AHCYL2: variants seen among roughly 807,000 people sequenced by gnomAD.
AHCYL2 encodes the protein S-adenosylhomocysteine hydrolase-like protein 2.
AHCYL2 carries 28 observed loss-of-function variants against 81.4 expected under a neutral mutation model. The observed-to-expected ratio is 0.34, with a 90% CI of 0.25 to 0.47. AHCYL2 has a LOEUF of 0.47. Among genes scored for constraint, AHCYL2 ranks in the 20% least tolerant of loss-of-function variants. The pLI, the probability that AHCYL2 is intolerant of heterozygous loss-of-function variation, is 1.00. For missense variants in AHCYL2, 551 were observed against 785.1 expected, an observed-to-expected ratio of 0.70 and a Z score of 3.56; for synonymous variants, 272 against 290.2, an observed-to-expected ratio of 0.94 and a Z score of 0.64.
intron 1 of AHCYL2, among the ~76,000 whole-genome samples, chr7:129,276,736 CAA>C (rs374792572): frequency 8.0e-6 from 1 of 125,018 alleles, no homozygotes; most frequent in African/African-American, 3.0e-5. Flanking sequence ...GCAACTGTCT[CAA>C]AAAAAAAAAA....
chr7:129,294,567 A>G (rs1796990051), intron 1 of AHCYL2, among the ~76,000 whole-genome samples: 1 of 152,228 alleles, frequency 6.6e-6, no homozygotes, highest in Admixed American at 6.5e-5. Context: ...ACACACCTTA[A>G]GTGGCAAGAG....
intron 4 of AHCYL2, among the ~76,000 whole-genome samples, chr7:129,395,127 C>A (rs1011980455): frequency 6.6e-6 from 1 of 152,110 alleles, no homozygotes; most frequent in Non-Finnish European, 1.5e-5. Context: ...GCTTCAAATT[C>A]CTCCAGCAGT....
At position 129,225,271 on chromosome 7, in the gene AHCYL2, G is replaced by A. The variant is rs1312496932; in HGVS notation, c.195G>A (p.Pro65=). 2 of 1,448,448 alleles carry A rather than the reference G, an allele frequency of 1.4e-6. No individual in the cohort carries two copies. Among genetic ancestry groups the A allele is most frequent in the South Asian group, 1.4e-5 (1 of 72,890 alleles). 89.7% of individuals were successfully genotyped at this position (1,448,448 alleles called of 1,614,324 possible). A position where few individuals can be genotyped will look rare whatever the true frequency, so the allele number is the denominator to read the frequency against. ...CGGAGCGGCCCCCGGTCCCCGGCCC[G>A]GGCTCGGGGCCCGCCGCCGCTCTCA... ...PAAERPPVPG[P]GSGPAAALSP... Residue 65 remains proline (P), a synonymous_variant, in exon 1 of 17, where the codon CCG becomes CCA. Transcript: ENST00000325006.
intron 1 of AHCYL2, among the ~76,000 whole-genome samples, chr7:129,359,211 C>T (rs562289162): frequency 2.0e-5 from 3 of 152,172 alleles, no homozygotes; most frequent in Admixed American, 2.0e-4. Flanking sequence ...CAAACTTGGA[C>T]AATTCTTAAA....
chr7:129,351,198 C>T (rs913607663), intron 1 of AHCYL2, among the ~76,000 whole-genome samples: 5 of 151,832 alleles, frequency 3.3e-5, no homozygotes, highest in Middle Eastern at 3.4e-3. Flanking sequence ...TTGGTGTTTC[C>T]GCATAGGCAT....
rs1042200505 is a variant in AHCYL2, at chr7:129,370,889, C to G, written c.364-8749C>G. Among the ~76,000 whole-genome samples, 7 of 152,208 alleles carry G rather than the reference C, an allele frequency of 4.6e-5. No individual in the cohort carries two copies. In the South Asian group the frequency reaches 1.4e-3, roughly 32 times the overall value. ...CTAGTCTTCAATAACACGATTGTCT[C>G]ATTTGCTAGCTTTTCTTTGCCAAAG... On this transcript the variant is annotated intron_variant, in intron 1 of 16. Transcript: ENST00000325006.
chr7:129,245,623 C>G (rs1795026841), intron 1 of AHCYL2, among the ~76,000 whole-genome samples: 1 of 152,178 alleles, frequency 6.6e-6, no homozygotes, highest in African/African-American at 2.4e-5. Flanking sequence ...TTATGTCTGG[C>G]TTATTTCACT....
At chr7:129,366,658 C>T (rs956983991) in intron 1 of AHCYL2, among the ~76,000 whole-genome samples, 6 of 152,008 alleles carry the variant, frequency 3.9e-5, no homozygotes, top group Non-Finnish European at 7.4e-5. Context: ...TGCCTGTAAT[C>T]CCAGCTACTC....
intron 2 of AHCYL2, among the ~76,000 whole-genome samples, chr7:129,386,292 G>A (rs1224823908): frequency 6.6e-6 from 1 of 151,964 alleles, no homozygotes; most frequent in Non-Finnish European, 1.5e-5. Context: ...GCGAAACCCC[G>A]TCTCTACTAA....
At chr7:129,400,203 T>C in intron 5 of AHCYL2, 87 bp from the exon 6 acceptor site, 1 of 1,181,596 alleles carries the variant, frequency 8.5e-7, no homozygotes, top group Non-Finnish European at 1.2e-6. Context: ...AGTTGGAAAT[T>C]AGGAAAAACC....
chr7:129,316,152 G>C (rs1797819420), intron 1 of AHCYL2, among the ~76,000 whole-genome samples: 1 of 152,148 alleles, frequency 6.6e-6, no homozygotes, highest in Non-Finnish European at 1.5e-5. Flanking sequence ...GAGCCCACCG[G>C]GAGTATTACA....
intron 6 of AHCYL2, among the ~76,000 whole-genome samples, chr7:129,402,159 A>G (rs550194603): frequency 1.9e-4 from 29 of 152,262 alleles, no homozygotes; most frequent in Non-Finnish European, 2.2e-4. Context: ...GATTCCATAC[A>G]TGGAGAATGG....
At chr7:129,309,098 G>A (rs1253460355) in intron 1 of AHCYL2, among the ~76,000 whole-genome samples, 4 of 152,062 alleles carry the variant, frequency 2.6e-5, no homozygotes, top group African/African-American at 7.2e-5. Context: ...CGGGCGTGGC[G>A]GCGGGCACCT....
At chr7:129,345,260 C>T (rs1282383652) in intron 1 of AHCYL2, among the ~76,000 whole-genome samples, 1 of 152,132 alleles carries the variant, frequency 6.6e-6, no homozygotes, top group Non-Finnish European at 1.5e-5. Context: ...TGTTTTCTTA[C>T]ATTTATTTTC....
intron 1 of AHCYL2, among the ~76,000 whole-genome samples, chr7:129,239,937 C>A (rs562979415): frequency 2.0e-5 from 3 of 151,938 alleles, no homozygotes; most frequent in African/African-American, 7.3e-5. Context: ...GAGAACCCCA[C>A]GGCTGGCCGG....
intron 4 of AHCYL2, 30 bp from the exon 5 acceptor site, chr7:129,397,192 T>C (rs755515056): frequency 1.9e-6 from 3 of 1,591,980 alleles, no homozygotes; most frequent in Admixed American, 3.5e-5. Context: ...GGCCCAGGCT[T>C]GCTCATACCC....
At chr7:129,397,432 G>A in intron 5 of AHCYL2, 108 bp downstream of exon 5, 1 of 1,055,732 alleles carries the variant, frequency 9.5e-7, no homozygotes, top group South Asian at 1.5e-5. Context: ...GAACTATCTT[G>A]GAAGAAATGG....
chr7:129,297,241 C>T (rs1420842487), intron 1 of AHCYL2, among the ~76,000 whole-genome samples: 1 of 152,150 alleles, frequency 6.6e-6, no homozygotes, highest in Admixed American at 6.5e-5. Flanking sequence ...AGTGCTATGT[C>T]CCCTGGTTAA....
At chr7:129,259,817 C>A (rs1426441032) in intron 1 of AHCYL2, among the ~76,000 whole-genome samples, 1 of 152,192 alleles carries the variant, frequency 6.6e-6, no homozygotes, top group Non-Finnish European at 1.5e-5. Context: ...TAGCTCACAT[C>A]TGTAATTCCA....
Sources: allele counts gnomAD v4.1 joint callset (sites outside exome capture counted in the v4.1 genomes callset), GRCh38; gene constraint gnomAD v4.1.1; transcripts MANE v1.5; gene names NCBI Gene and HGNC (gene_info 2026-07-23, HGNC 2026-07-21).